PHIP: variants seen among roughly 807,000 people sequenced by gnomAD.
The protein encoded by PHIP is PHIP subunit of CUL4-Ring ligase complex.
Under a neutral mutation model 236.8 loss-of-function variants are expected in PHIP, and 54 were observed. The ratio of observed to expected loss-of-function variants is 0.23; its 90% confidence interval spans 0.18 to 0.29. The LOEUF (loss-of-function observed/expected upper bound fraction) is 0.29, where lower values mean the gene tolerates loss of function less well. PHIP is among the 10% of genes least tolerant of loss of function. The probability of loss-of-function intolerance (pLI) is 1.00; values close to 1 mark genes in which losing one functional copy is unlikely to be tolerated. For synonymous variants in PHIP, 756 were observed against 718.9 expected (o/e 1.05, Z -0.83); for missense variants, 1,370 against 2,190.8 (o/e 0.63, Z 7.48).
Position 79,058,330 on chromosome 6 carries a change from CT to C in PHIP, c.439+2147del, listed in dbSNP as rs886667918. Among the ~76,000 whole-genome samples the C allele has an allele frequency of 1.7e-4, 26 of 152,176 alleles. No individual in the cohort carries two copies. The Middle Eastern group carries it at 0.01, about 60-fold the overall frequency. ...ATCCACTACGGATCTCAGAATGTAT[CT>C]CCTGTGAATAAGGGAAGATAAATGT... On this transcript the variant is annotated intron_variant, in intron 6 of 39. Transcript: ENST00000275034.
At chr6:79,024,784 G>T (rs1239067654) in intron 9 of PHIP, among the ~76,000 whole-genome samples, 1 of 152,114 alleles carries the variant, frequency 6.6e-6, no homozygotes, top group Non-Finnish European at 1.5e-5. Flanking sequence ...CAGCCTGGGC[G>T]ACACAGTGAG....
At chr6:78,955,173 A>G in intron 34 of PHIP, 59 bp downstream of exon 34, 1 of 1,166,476 alleles carries the variant, frequency 8.6e-7, no homozygotes, top group Non-Finnish European at 1.2e-6. Context: ...AAATAAAGAA[A>G]GCTCTTAATA....
intron 15 of PHIP, among the ~76,000 whole-genome samples, chr6:79,007,344 G>A (rs1250278930): frequency 6.6e-6 from 1 of 152,090 alleles, no homozygotes; most frequent in Non-Finnish European, 1.5e-5. Flanking sequence ...CCTAATCTCT[G>A]TGGAATGATG....
chr6:79,064,757 C>T (rs1562220998), intron 4 of PHIP, among the ~76,000 whole-genome samples: 1 of 152,288 alleles, frequency 6.6e-6, no homozygotes, highest in African/African-American at 2.4e-5. Flanking sequence ...GTACCAGAGT[C>T]CAGTTCCAGA....
At chr6:79,053,863 T>C (rs773743557) in intron 6 of PHIP, among the ~76,000 whole-genome samples, 1 of 152,152 alleles carries the variant, frequency 6.6e-6, no homozygotes, top group Non-Finnish European at 1.5e-5. Flanking sequence ...TTATATGAAG[T>C]GGAGGGGATA....
intron 15 of PHIP, among the ~76,000 whole-genome samples, chr6:79,014,813 T>C (rs1433930210): frequency 2.6e-5 from 4 of 151,938 alleles, no homozygotes; most frequent in Non-Finnish European, 4.4e-5. Context: ...TGTATCTTCA[T>C]ACTTGTGAAT....
At chr6:79,061,831 A>T (rs992463645) in intron 4 of PHIP, among the ~76,000 whole-genome samples, 2 of 152,140 alleles carry the variant, frequency 1.3e-5, no homozygotes, top group African/African-American at 4.8e-5. Flanking sequence ...TCCTTTTGAT[A>T]AGACTGATGT....
chr6:79,014,637 A>G (rs936612236), intron 15 of PHIP, among the ~76,000 whole-genome samples: 8 of 151,852 alleles, frequency 5.3e-5, no homozygotes, highest in Admixed American at 2.0e-4. Context: ...ATATACTACC[A>G]ATTGATTAAA....
chr6:79,070,950 T>A (rs1434219639), intron 4 of PHIP, among the ~76,000 whole-genome samples: 1 of 152,240 alleles, frequency 6.6e-6, no homozygotes, highest in African/African-American at 2.4e-5. Flanking sequence ...GAATTCTTCC[T>A]GTGTCTCTTC....
At chr6:79,014,201 A>G (rs1042292762) in intron 15 of PHIP, among the ~76,000 whole-genome samples, 2 of 151,784 alleles carry the variant, frequency 1.3e-5, no homozygotes, top group Admixed American at 6.6e-5. Context: ...CTGATTATCA[A>G]TCAAGCATAG....
intron 35 of PHIP, among the ~76,000 whole-genome samples, chr6:78,950,034 A>G (rs1363997667): frequency 6.6e-6 from 1 of 151,998 alleles, no homozygotes; most frequent in Admixed American, 6.6e-5. Flanking sequence ...CCTTGTTTTC[A>G]TTTCCTCCTG....
intron 33 of PHIP, 37 bp from the exon 34 acceptor site, chr6:78,955,319 T>A (rs1483033089): frequency 1.4e-6 from 2 of 1,399,776 alleles, no homozygotes; most frequent in Non-Finnish European, 1.0e-6. Context: ...ATAAAACATT[T>A]TAGATGTCAT....
chr6:79,019,619 C>T (rs570106180), intron 9 of PHIP, among the ~76,000 whole-genome samples: 1 of 152,174 alleles, frequency 6.6e-6, no homozygotes, highest in Non-Finnish European at 1.5e-5. Flanking sequence ...CTTTTCCCTT[C>T]TTTGACCTAC....
intron 23 of PHIP, 22 bp from the exon 24 acceptor site, chr6:78,978,733 T>A (rs765510724): frequency 2.5e-6 from 4 of 1,573,770 alleles, no homozygotes; most frequent in South Asian, 2.3e-5. Context: ...TAAGTAATAA[T>A]TGTTAAGTAA....
chr6:78,944,063 A>C (rs1254299568), intron 39 of PHIP, among the ~76,000 whole-genome samples: 2 of 151,752 alleles, frequency 1.3e-5, no homozygotes, highest in Non-Finnish European at 2.9e-5. Flanking sequence ...TTCCTAAAGA[A>C]GACGATATTT....
At chr6:78,993,225 T>A (rs1769385598) in intron 19 of PHIP, among the ~76,000 whole-genome samples, 1 of 152,206 alleles carries the variant, frequency 6.6e-6, no homozygotes, top group African/African-American at 2.4e-5. Flanking sequence ...CAGAGGTTGG[T>A]TCATGAGGCC....
At chr6:79,043,513 T>A (rs887677393) in intron 6 of PHIP, among the ~76,000 whole-genome samples, 1 of 152,146 alleles carries the variant, frequency 6.6e-6, no homozygotes, top group African/African-American at 2.4e-5. Context: ...TCATTTGCAT[T>A]ATTAAAAAAT....
At position 78,977,216 on chromosome 6, in the gene PHIP, G is replaced by T. The variant is rs994176245; in HGVS notation, c.2889+1376C>A. Among the ~76,000 whole-genome samples the T allele has an allele frequency of 1.8e-3, 270 of 151,170 alleles. 1 individual carries two copies. The highest frequency in any genetic ancestry group is 5.6e-3 in the African/African-American group (232 of 41,110). On this transcript the variant is annotated intron_variant, in intron 24 of 39. Coordinates refer to ENST00000275034, the MANE Select transcript of PHIP (RefSeq NM_017934.7). ...CAGCTATAAAAAATGATGAGTTCAT[G>T]TCCTTTGTAGGGACATGGATGAAAT...
chr6:78,952,650 CACTT>C (rs1254024562), intron 35 of PHIP, among the ~76,000 whole-genome samples: 2 of 152,040 alleles, frequency 1.3e-5, no homozygotes, highest in Admixed American at 6.6e-5. Context: ...TAGATCTTTA[CACTT>C]ACTATCTCTT....
Sources: gnomAD v4.1 joint callset for allele counts (sites outside exome capture counted in the v4.1 genomes callset) on GRCh38, gnomAD v4.1.1 for gene constraint, MANE v1.5 for transcripts, NCBI Gene and HGNC (gene_info 2026-07-23, HGNC 2026-07-21) for gene names.